SORCS3: variants seen among roughly 807,000 people sequenced by gnomAD.
The protein encoded by SORCS3 is VPS10 domain-containing receptor SorCS3.
SORCS3 carries 57 observed loss-of-function variants against 146.3 expected under a neutral mutation model. The ratio of observed to expected loss-of-function variants is 0.39; its 90% CI spans 0.31 to 0.49. The LOEUF is 0.49. Ranked by LOEUF, SORCS3 falls within the 20% of genes least tolerant of loss-of-function variation. The pLI is 0.92. For missense variants in SORCS3, 1,341 were observed against 1,575.5 expected (o/e 0.85, Z 2.52); for synonymous variants, 653 against 618.5 (o/e 1.06, Z -0.83).
intron 3 of SORCS3, among the ~76,000 whole-genome samples, chr10:104,972,640 G>A (rs1346658229): frequency 6.6e-6 from 1 of 151,998 alleles, no homozygotes; most frequent in South Asian, 2.1e-4. Flanking sequence ...GAGAGAAAGA[G>A]AGAGAGAGAG....
chr10:104,947,931 T>C (rs1214132747), intron 3 of SORCS3, among the ~76,000 whole-genome samples: 1 of 152,158 alleles, frequency 6.6e-6, no homozygotes, highest in Non-Finnish European at 1.5e-5. Context: ...TTACAGTTTT[T>C]AAAGAACTTG....
At chr10:104,724,395 G>A (rs1387087950) in intron 1 of SORCS3, among the ~76,000 whole-genome samples, 2 of 152,036 alleles carry the variant, frequency 1.3e-5, no homozygotes, top group Non-Finnish European at 2.9e-5. Context: ...CTTTCTCTCT[G>A]GCTGCCCTTA....
intron 3 of SORCS3, among the ~76,000 whole-genome samples, chr10:104,921,920 G>A (rs1182737745): frequency 1.3e-5 from 2 of 152,022 alleles, no homozygotes; most frequent in Admixed American, 6.6e-5. Flanking sequence ...GAGGAGGAGG[G>A]GAATATTACA....
intron 1 of SORCS3, among the ~76,000 whole-genome samples, chr10:104,807,088 T>A (rs1254989757): frequency 1.3e-5 from 2 of 151,840 alleles, no homozygotes; most frequent in Non-Finnish European, 2.9e-5. Context: ...AAATCTAGGA[T>A]GTGGATTCCC....
At chr10:105,221,205 C>T (rs1410893729) in intron 19 of SORCS3, among the ~76,000 whole-genome samples, 1 of 152,174 alleles carries the variant, frequency 6.6e-6, no homozygotes, top group Non-Finnish European at 1.5e-5. Context: ...CCCCCTCAAG[C>T]ATTTATCCTT....
chr10:104,878,183 C>G (rs1239185361), intron 2 of SORCS3, among the ~76,000 whole-genome samples: 1 of 152,080 alleles, frequency 6.6e-6, no homozygotes, highest in Non-Finnish European at 1.5e-5. Flanking sequence ...TGAACCCATA[C>G]TTCATTCCAG....
chr10:105,172,006 C>A (rs72817775), intron 13 of SORCS3, among the ~76,000 whole-genome samples: 13,512 of 152,142 alleles, frequency 0.089, 738 homozygotes, highest in Admixed American at 0.16. Flanking sequence ...GCCCACCTTA[C>A]GTAGTTCCCA....
At chr10:104,746,995 C>A (rs909732190) in intron 1 of SORCS3, among the ~76,000 whole-genome samples, 1 of 152,170 alleles carries the variant, frequency 6.6e-6, no homozygotes, top group African/African-American at 2.4e-5. Flanking sequence ...TTTATTTGCT[C>A]AGTTACACAA....
intron 5 of SORCS3, among the ~76,000 whole-genome samples, chr10:105,074,533 AT>A (rs2133728800): frequency 6.6e-6 from 1 of 152,342 alleles, no homozygotes; most frequent in Admixed American, 6.5e-5. Context: ...CACACAGAGC[AT>A]TATGTTGTCG....
At chr10:104,833,952 A>G (rs1397589303) in intron 1 of SORCS3, among the ~76,000 whole-genome samples, 2 of 152,190 alleles carry the variant, frequency 1.3e-5, no homozygotes. Context: ...ATAAGACAGC[A>G]ATTTCATGCT....
chr10:104,715,958 C>T (rs2016471824), intron 1 of SORCS3, among the ~76,000 whole-genome samples: 1 of 152,174 alleles, frequency 6.6e-6, no homozygotes, highest in African/African-American at 2.4e-5. Flanking sequence ...CTTATCTTCT[C>T]CCGTGCTGCT....
intron 2 of SORCS3, among the ~76,000 whole-genome samples, chr10:104,896,441 T>C (rs1202759217): frequency 6.6e-6 from 1 of 152,214 alleles, no homozygotes; most frequent in East Asian, 1.9e-4. Context: ...GGGACTGGAA[T>C]GGTTGAGGCC....
At chr10:105,241,499 C>A (rs886260425) in intron 20 of SORCS3, among the ~76,000 whole-genome samples, 1 of 152,334 alleles carries the variant, frequency 6.6e-6, no homozygotes, top group Middle Eastern at 3.4e-3. Context: ...TGTGGGGCAG[C>A]TGCCCTCTGC....
At chr10:105,115,804 G>C (rs2055890178) in intron 7 of SORCS3, among the ~76,000 whole-genome samples, 1 of 152,120 alleles carries the variant, frequency 6.6e-6, no homozygotes. Context: ...ATTATTCAAA[G>C]AAAAGCTATT....
rs187620566 is a variant in SORCS3 at position 104,768,098 on chromosome 10, T to A, written c.628-74694T>A. On this transcript the variant is annotated intron_variant, in intron 1 of 26. Coordinates refer to ENST00000369701, the MANE Select transcript of SORCS3 (RefSeq NM_014978.3). ...TGGGTCAGAACTGTAGAGCAGAGCTTCTAAAGGTATGGTTCACAGGAGAAC... is the reference window on the plus strand; with the variant it reads ...TGGGTCAGAACTGTAGAGCAGAGCTACTAAAGGTATGGTTCACAGGAGAAC... Among the ~76,000 whole-genome samples the A allele has an allele frequency of 2.4e-3, 369 of 152,326 alleles. 2 individuals are homozygous for A. The highest frequency in any genetic ancestry group is 8.4e-3 in the African/African-American group (351 of 41,574).
At chr10:104,768,256 T>C (rs1161084586) in intron 1 of SORCS3, among the ~76,000 whole-genome samples, 1 of 152,218 alleles carries the variant, frequency 6.6e-6, no homozygotes, top group Non-Finnish European at 1.5e-5. Flanking sequence ...CCCCAGGTGA[T>C]TCTTACATGC....
chr10:104,704,553 G>A (rs1038099924), intron 1 of SORCS3, among the ~76,000 whole-genome samples: 20 of 152,114 alleles, frequency 1.3e-4, no homozygotes, highest in Non-Finnish European at 2.8e-4. Context: ...ACTGGGGATG[G>A]GGTAGGGATG....
chr10:105,229,618 T>G (rs1481715473), intron 20 of SORCS3, among the ~76,000 whole-genome samples: 2 of 152,220 alleles, frequency 1.3e-5, no homozygotes, highest in African/African-American at 2.4e-5. Context: ...TATTTTGCCT[T>G]AAATAGAATC....
At chr10:104,955,045 A>G (rs1282856837) in intron 3 of SORCS3, among the ~76,000 whole-genome samples, 1 of 152,208 alleles carries the variant, frequency 6.6e-6, no homozygotes, top group Admixed American at 6.5e-5. Context: ...AACTAAAATT[A>G]ACTATTTTTA....
Sources: gnomAD v4.1 joint callset for allele counts (sites outside exome capture counted in the v4.1 genomes callset) on GRCh38, gnomAD v4.1.1 for gene constraint, MANE v1.5 for transcripts, NCBI Gene and HGNC (gene_info 2026-07-23, HGNC 2026-07-21) for gene names.